The following FAM76A variants were observed in gnomAD, a reference collection of about 807,000 sequenced individuals.
The protein encoded by FAM76A is protein FAM76A.
Under a neutral mutation model 46.2 loss-of-function variants are expected in FAM76A, and 32 were observed. That is an observed-to-expected ratio of 0.69 (90% confidence interval 0.52 to 0.93). FAM76A has a LOEUF of 0.93. Ranked by LOEUF, FAM76A falls within the 40% of genes least tolerant of loss-of-function variation. The pLI, the probability that FAM76A is intolerant of heterozygous loss-of-function variation, is 0.00. For missense variants in FAM76A, 274 were observed against 361.5 expected, an observed-to-expected ratio of 0.76 and a Z score of 1.96; for synonymous variants, 137 against 127.0, an observed-to-expected ratio of 1.08 and a Z score of -0.53.
At chr1:27,733,056 C>T (rs1489351540) in intron 3 of FAM76A, among the ~76,000 whole-genome samples, 1 of 151,940 alleles carries the variant, frequency 6.6e-6, no homozygotes, top group African/African-American at 2.4e-5. Flanking sequence ...CCTCAGCCTC[C>T]CGAGTAGCTG....
intron 4 of FAM76A, among the ~76,000 whole-genome samples, chr1:27,741,128 G>A (rs574796093): frequency 7.9e-4 from 114 of 143,816 alleles, no homozygotes; most frequent in African/African-American, 2.8e-3. Flanking sequence ...GCGAAACTCC[G>A]TCTCAAAAAA....
chr1:27,741,082 A>G (rs373728048), intron 4 of FAM76A, among the ~76,000 whole-genome samples: 3 of 151,498 alleles, frequency 2.0e-5, no homozygotes, highest in Admixed American at 6.6e-5. Flanking sequence ...CAGTGAGCCG[A>G]GATCACGCCA....
At chr1:27,736,238 C>T (rs929728927) in intron 4 of FAM76A, among the ~76,000 whole-genome samples, 4 of 152,254 alleles carry the variant, frequency 2.6e-5, no homozygotes, top group African/African-American at 9.6e-5. Flanking sequence ...AGGAGAATCA[C>T]TTGAACCTGA....
intron 2 of FAM76A, among the ~76,000 whole-genome samples, chr1:27,732,027 G>A (rs1008882225): frequency 2.0e-5 from 3 of 152,038 alleles, no homozygotes; most frequent in African/African-American, 4.8e-5. Context: ...TCACCATGTT[G>A]GCTGGGCTGG....
chr1:27,734,274 G>A (rs558580818), intron 4 of FAM76A, 91 bp downstream of exon 4: 125 of 1,364,216 alleles, frequency 9.2e-5, no homozygotes, highest in African/African-American at 2.4e-4. Context: ...TAGGCCGGGC[G>A]TGGTGGCTCA....
chr1:27,726,329 G>A lies in FAM76A; in HGVS notation c.81+168G>A, dbSNP rs577669969. Among the ~76,000 whole-genome samples the A allele has an allele frequency of 3.5e-3, 537 of 152,216 alleles. 1 individual carries two copies. The highest frequency in any genetic ancestry group is 0.012 in the African/African-American group (512 of 41,568). On this transcript the variant is annotated intron_variant, in intron 1 of 8. Coordinates refer to ENST00000373954, the MANE Select transcript of FAM76A (RefSeq NM_152660.3). The stretch of plus-strand genomic sequence containing the variant: ...GGGGGCCGGCGGGGCACGTGCGGGA[G>A]CCGGGACCCGGTCCAGGCTCCCGCG...
chr1:27,739,907 G>T, intron 4 of FAM76A: 1 of 201,380 alleles, frequency 5.0e-6, no homozygotes. Context: ...GGGTTTTAAG[G>T]AGAGAAGATG....
intron 7 of FAM76A, among the ~76,000 whole-genome samples, chr1:27,759,201 G>A (rs562441785): frequency 2.3e-4 from 35 of 152,060 alleles, no homozygotes; most frequent in African/African-American, 8.0e-4. Flanking sequence ...CTATAAAATG[G>A]GACTACTACT....
At chr1:27,736,337 G>A (rs983884581) in intron 4 of FAM76A, among the ~76,000 whole-genome samples, 1 of 151,928 alleles carries the variant, frequency 6.6e-6, no homozygotes, top group East Asian at 1.9e-4. Context: ...AAAGGAAAGC[G>A]GGGAGGGTAT....
chr1:27,749,217 A>G, intron 6 of FAM76A, 63 bp downstream of exon 6: 1 of 1,160,014 alleles, frequency 8.6e-7, no homozygotes, highest in Non-Finnish European at 1.2e-6. Flanking sequence ...CTGAAACAGG[A>G]ATACATTTAG....
At chr1:27,737,719 A>G (rs11247671) in intron 4 of FAM76A, among the ~76,000 whole-genome samples, 26,266 of 151,596 alleles carry the variant, frequency 0.17, 6,004 homozygotes, top group African/African-American at 0.52. Flanking sequence ...GGGCATGGTG[A>G]CATGTGCCTA....
chr1:27,745,897 G>A (rs1223082765), intron 5 of FAM76A, among the ~76,000 whole-genome samples: 3 of 152,170 alleles, frequency 2.0e-5, no homozygotes, highest in Non-Finnish European at 4.4e-5. Flanking sequence ...CTGGGAGCTG[G>A]GGAATGGAAG....
At chr1:27,752,594 AT>A (rs1205558670) in intron 6 of FAM76A, among the ~76,000 whole-genome samples, 2 of 152,224 alleles carry the variant, frequency 1.3e-5, no homozygotes, top group Middle Eastern at 3.4e-3. Context: ...TCGTAGTTTC[AT>A]TTTATTCTCC....
At chr1:27,732,336 A>G (rs944236912) in intron 2 of FAM76A, among the ~76,000 whole-genome samples, 2 of 152,158 alleles carry the variant, frequency 1.3e-5, no homozygotes, top group African/African-American at 4.8e-5. Context: ...AGGCTGAGGC[A>G]TGAGAATCGC....
chr1:27,744,520 C>T (rs1157479729), intron 4 of FAM76A, 134 bp from the exon 5 acceptor site: 13 of 849,276 alleles, frequency 1.5e-5, no homozygotes, highest in Non-Finnish European at 2.5e-5. Flanking sequence ...TAGCAGCCCC[C>T]TGTGACATGC....
intron 4 of FAM76A, chr1:27,739,823 T>G (rs1203225180): frequency 5.8e-6 from 1 of 171,804 alleles, no homozygotes; most frequent in Non-Finnish European, 1.2e-5. Context: ...ATGTTAGCAA[T>G]AAATAAATGA....
chr1:27,745,417 T>C (rs1368105444), intron 5 of FAM76A, among the ~76,000 whole-genome samples: 1 of 152,210 alleles, frequency 6.6e-6, no homozygotes, highest in Non-Finnish European at 1.5e-5. Context: ...TTTTTATAAC[T>C]GGCATATAGA....
chr1:27,759,458 C>T, intron 7 of FAM76A, 68 bp from the exon 8 acceptor site: 1 of 1,074,554 alleles, frequency 9.3e-7, no homozygotes, highest in South Asian at 1.5e-5. Flanking sequence ...GACCATTTAG[C>T]TCTCTGAAAG....
chr1:27,741,234 G>C (rs1488662244), intron 4 of FAM76A, among the ~76,000 whole-genome samples: 1 of 120,034 alleles, frequency 8.3e-6, no homozygotes, highest in Non-Finnish European at 1.6e-5. Flanking sequence ...GTCTCACTCT[G>C]TCATCCAGGC....
Sources: gnomAD v4.1 joint callset for allele counts (sites outside exome capture counted in the v4.1 genomes callset) on GRCh38, gnomAD v4.1.1 for gene constraint, MANE v1.5 for transcripts, NCBI Gene and HGNC (gene_info 2026-07-23, HGNC 2026-07-21) for gene names.